The following ATP9A variants were observed in gnomAD, a reference collection of about 807,000 sequenced individuals.
The protein encoded by ATP9A is probable phospholipid-transporting ATPase IIA.
Under a neutral mutation model 144.1 loss-of-function variants are expected in ATP9A, and 52 were observed. That is an observed-to-expected ratio of 0.36 (90% confidence interval 0.29 to 0.45). The LOEUF is 0.45. Ranked by LOEUF, ATP9A falls within the 20% of genes least tolerant of loss-of-function variation. The pLI is 1.00. For missense variants in ATP9A, 947 were observed against 1,392.7 expected, an observed-to-expected ratio of 0.68 and a Z score of 5.09; for synonymous variants, 582 against 557.4, an observed-to-expected ratio of 1.04 and a Z score of -0.62.
intron 23 of ATP9A, 98 bp downstream of exon 23, chr20:51,613,579 T>C: frequency 7.8e-7 from 1 of 1,279,580 alleles, no homozygotes; most frequent in Admixed American, 2.6e-5. Flanking sequence ...CCATGATAAT[T>C]ACATAGCCAC....
chr20:51,742,174 T>C (rs2077787827), intron 1 of ATP9A, among the ~76,000 whole-genome samples: 1 of 151,646 alleles, frequency 6.6e-6, no homozygotes, highest in South Asian at 2.1e-4. Flanking sequence ...AATTCAAAAA[T>C]AATTAGCCAG....
chr20:51,723,414 T>A (rs1385729753), intron 3 of ATP9A, among the ~76,000 whole-genome samples: 6 of 148,982 alleles, frequency 4.0e-5, no homozygotes, highest in Admixed American at 1.3e-4. Context: ...AAAAATGAAT[T>A]AAAAAAAAAA....
chr20:51,607,569 A>C lies in ATP9A; in HGVS notation c.2761T>G (p.Tyr921Asp). 1 of 1,613,364 alleles carries C rather than the reference A, an allele frequency of 6.2e-7. No homozygotes were observed. Among genetic ancestry groups the C allele is most frequent in the Non-Finnish European group, 8.5e-7 (1 of 1,179,442 alleles). The change falls in exon 26 of 28, where the codon TAC (tyrosine) becomes GAC (aspartate). Residue 921 changes from tyrosine to aspartate, a missense_variant. By Grantham distance (160) the Tyr-to-Asp change is radical (BLOSUM62 -3). Transcript: ENST00000338821. ...AAAACCCATATTAAGAATGTCTTGT[A>C]GGACAACGGCCGTCCCTGAATGAGA... ...KDLLKGRPLSYKTFLIWVLIS... is the reference protein window; with the variant it reads ...KDLLKGRPLSDKTFLIWVLIS...
intron 3 of ATP9A, among the ~76,000 whole-genome samples, chr20:51,724,124 T>C (rs967493095): frequency 1.3e-5 from 2 of 151,792 alleles, no homozygotes; most frequent in Non-Finnish European, 2.9e-5. Flanking sequence ...TGAGCTGAAA[T>C]TGCGCCACTG....
At chr20:51,673,707 A>G (rs2077465650) in intron 11 of ATP9A, among the ~76,000 whole-genome samples, 1 of 152,088 alleles carries the variant, frequency 6.6e-6, no homozygotes, top group African/African-American at 2.4e-5. Context: ...AGTGTGGTTC[A>G]CACTCCTGAC....
chr20:51,710,219 C>T (rs1042994248), intron 4 of ATP9A, among the ~76,000 whole-genome samples: 18 of 152,122 alleles, frequency 1.2e-4, no homozygotes, highest in African/African-American at 4.3e-4. Context: ...AGGAGAATCG[C>T]TTAAACCCAG....
At chr20:51,733,578 T>C (rs1367340126) in intron 1 of ATP9A, among the ~76,000 whole-genome samples, 3 of 152,180 alleles carry the variant, frequency 2.0e-5, no homozygotes, top group Non-Finnish European at 2.9e-5. Flanking sequence ...TTTCACCATG[T>C]TGGTCAGACT....
At chr20:51,767,115 C>A (rs1162485258) in intron 1 of ATP9A, among the ~76,000 whole-genome samples, 1 of 151,422 alleles carries the variant, frequency 6.6e-6, no homozygotes, top group Admixed American at 6.6e-5. Flanking sequence ...CTGGTGAAGC[C>A]ACCCTTATGG....
At chr20:51,650,036 T>G (rs1281406087) in intron 14 of ATP9A, among the ~76,000 whole-genome samples, 2 of 151,760 alleles carry the variant, frequency 1.3e-5, no homozygotes, top group East Asian at 3.9e-4. Flanking sequence ...TGAAAGTGAG[T>G]AGACAGGGTC....
At chr20:51,617,345 T>C in intron 22 of ATP9A, 145 bp downstream of exon 22, 1 of 834,870 alleles carries the variant, frequency 1.2e-6, no homozygotes. Flanking sequence ...ATCTTCCCAG[T>C]GACACAAGGT....
intron 21 of ATP9A, 75 bp from the exon 22 acceptor site, chr20:51,617,629 G>A (rs895980108): frequency 3.0e-5 from 45 of 1,518,812 alleles, no homozygotes; most frequent in Middle Eastern, 3.4e-4. Flanking sequence ...TGTCTTTACC[G>A]CACTCTCGTC....
chr20:51,629,801 T>C (rs1213511247), intron 15 of ATP9A, among the ~76,000 whole-genome samples: 1 of 152,208 alleles, frequency 6.6e-6, no homozygotes, highest in African/African-American at 2.4e-5. Flanking sequence ...CAGTTTCTAG[T>C]TGTGTGCAGC....
chr20:51,626,211 G>A (rs1015777182), intron 17 of ATP9A, among the ~76,000 whole-genome samples: 4 of 152,354 alleles, frequency 2.6e-5, no homozygotes, highest in African/African-American at 7.2e-5. Flanking sequence ...TAGGGAGGCC[G>A]GGTGTGGTGG....
chr20:51,653,298 G>A (rs565409669), intron 14 of ATP9A, among the ~76,000 whole-genome samples: 18 of 151,976 alleles, frequency 1.2e-4, no homozygotes, highest in Middle Eastern at 6.8e-3. Context: ...AAAAGCGGCC[G>A]AGAAGTGCAA....
At chr20:51,651,257 TA>T (rs58558249) in intron 14 of ATP9A, among the ~76,000 whole-genome samples, 1 of 125,558 alleles carries the variant, frequency 8.0e-6, no homozygotes, top group Non-Finnish European at 1.7e-5. Flanking sequence ...ATTTACATAA[TA>T]TATTATATAA....
chr20:51,717,992 A>C (rs2077669727), intron 3 of ATP9A, among the ~76,000 whole-genome samples: 1 of 152,080 alleles, frequency 6.6e-6, no homozygotes, highest in African/African-American at 2.4e-5. Flanking sequence ...AATGTATGCC[A>C]AACATGGCTA....
chr20:51,639,289 C>T (rs1164219799), intron 15 of ATP9A, 54 bp downstream of exon 15: 12 of 1,537,118 alleles, frequency 7.8e-6, no homozygotes, highest in East Asian at 6.8e-5. Flanking sequence ...CAGGGACACA[C>T]GCAGCACACC....
intron 14 of ATP9A, among the ~76,000 whole-genome samples, chr20:51,640,582 G>A (rs900854866): frequency 6.6e-6 from 1 of 152,164 alleles, no homozygotes; most frequent in Non-Finnish European, 1.5e-5. Flanking sequence ...ACCTGGATCC[G>A]CCTGGTGTAA....
chr20:51,621,083 G>A (rs973382402), intron 19 of ATP9A, among the ~76,000 whole-genome samples: 2 of 150,514 alleles, frequency 1.3e-5, no homozygotes, highest in Admixed American at 6.7e-5. Context: ...GGAGGCGGAG[G>A]TTGCAGTGAG....
Sources: gnomAD v4.1 joint callset for allele counts (sites outside exome capture counted in the v4.1 genomes callset) on GRCh38, gnomAD v4.1.1 for gene constraint, MANE v1.5 for transcripts, NCBI Gene and HGNC (gene_info 2026-07-23, HGNC 2026-07-21) for gene names.